CBFB: variants seen among roughly 807,000 people sequenced by gnomAD.
CBFB encodes the protein CBF-beta.
CBFB carries 9 observed loss-of-function variants against 30.4 expected under a neutral mutation model. The ratio of observed to expected loss-of-function variants is 0.30; its 90% CI spans 0.18 to 0.52. The LOEUF (loss-of-function observed/expected upper bound fraction) is 0.52. Ranked by LOEUF, CBFB falls within the 20% of genes least tolerant of loss-of-function variation. The pLI is 0.97. For synonymous variants in CBFB, 94 were observed against 84.0 expected (o/e 1.12, Z -0.65); for missense variants, 170 against 244.0 (o/e 0.70, Z 2.02).
Position 67,029,321 on chromosome 16 carries a change from G to T in CBFB, c.-87G>T. 4 of 910,452 alleles carry T rather than the reference G, an allele frequency of 4.4e-6. No individual in the cohort carries two copies. In the South Asian group the frequency reaches 1.4e-4, roughly 33 times the overall value. 56.4% of individuals were successfully genotyped at this position (910,452 alleles called of 1,614,324 possible). On this transcript the variant is annotated 5_prime_UTR_variant, in exon 1 of 6. Transcript: ENST00000412916. ...GCGGGCGTCCGGGCGCCGCGGGTGG[G>T]CGGTCAGTCGGTCAGCGCGGAGCCA... is the stretch of plus-strand genomic sequence containing the variant.
At position 67,099,324 on chromosome 16, in the gene CBFB, T is replaced by G. The variant is rs1962150466; in HGVS notation, c.*546T>G. On this transcript the variant is annotated 3_prime_UTR_variant, in exon 6 of 6. Coordinates refer to ENST00000412916, the MANE Select transcript of CBFB (RefSeq NM_022845.3). ...TTTGCATTATTTACAGGCTAAAAAC[T>G]TAGTAGCATAGAGCTGTCTGCCACA... 1 of 228,364 alleles carries G rather than the reference T, an allele frequency of 4.4e-6. No homozygotes were observed. Among genetic ancestry groups the G allele is most frequent in the African/African-American group, 2.2e-5 (1 of 45,086 alleles). 14.1% of individuals were successfully genotyped at this position (228,364 alleles called of 1,614,324 possible). A position where few individuals can be genotyped will look rare whatever the true frequency, so the allele number is the denominator to read the frequency against.
chr16:67,079,020 C>T (rs770475880), intron 4 of CBFB, among the ~76,000 whole-genome samples: 8 of 152,214 alleles, frequency 5.3e-5, no homozygotes, highest in Non-Finnish European at 8.8e-5. Flanking sequence ...CATAGAAAGC[C>T]GTGGGAAATT....
chr16:67,087,652 T>C (rs1396642617), intron 5 of CBFB, among the ~76,000 whole-genome samples: 1 of 152,242 alleles, frequency 6.6e-6, no homozygotes, highest in Non-Finnish European at 1.5e-5. Flanking sequence ...TATGTATATA[T>C]GAACAGAAAT....
At chr16:67,077,832 C>CGAAT (rs1284232002) in intron 4 of CBFB, among the ~76,000 whole-genome samples, 13 of 152,122 alleles carry the variant, frequency 8.5e-5, no homozygotes, top group African/African-American at 2.9e-4. Context: ...CAAGAGTGGT[C>CGAAT]GAATATTCTG....
At chr16:67,056,590 T>C (rs192907820) in intron 3 of CBFB, among the ~76,000 whole-genome samples, 32 of 152,304 alleles carry the variant, frequency 2.1e-4, no homozygotes, top group Non-Finnish European at 3.8e-4. Context: ...AACAGCATAA[T>C]GTAAACATCC....
At chr16:67,074,645 T>C (rs895944129) in intron 4 of CBFB, among the ~76,000 whole-genome samples, 1 of 152,072 alleles carries the variant, frequency 6.6e-6, no homozygotes, top group Non-Finnish European at 1.5e-5. Flanking sequence ...CCTCCCAAAG[T>C]GCTGGGATTA....
intron 3 of CBFB, among the ~76,000 whole-genome samples, chr16:67,063,146 C>T (rs1221295857): frequency 6.6e-6 from 1 of 152,090 alleles, no homozygotes; most frequent in Non-Finnish European, 1.5e-5. Context: ...CAGAGGTCGG[C>T]ATAGTCACTT....
intron 3 of CBFB, among the ~76,000 whole-genome samples, chr16:67,043,369 T>A (rs936882448): frequency 2.0e-5 from 3 of 152,246 alleles, no homozygotes; most frequent in Admixed American, 1.3e-4. Context: ...AAATTAGTCC[T>A]TTTATTCATT....
chr16:67,033,713 G>A (rs1399946254), intron 2 of CBFB, among the ~76,000 whole-genome samples: 3 of 146,080 alleles, frequency 2.1e-5, no homozygotes, highest in African/African-American at 7.7e-5. Context: ...CTGGGTTCAC[G>A]CCATTCTCCC....
intron 3 of CBFB, among the ~76,000 whole-genome samples, chr16:67,042,342 GAAA>G (rs907212737): frequency 6.6e-6 from 1 of 151,878 alleles, no homozygotes; most frequent in Non-Finnish European, 1.5e-5. Flanking sequence ...TTTTTGAAGA[GAAA>G]AAAATTTTGC....
intron 5 of CBFB, among the ~76,000 whole-genome samples, chr16:67,096,775 C>T (rs1414026075): frequency 6.6e-6 from 1 of 150,514 alleles, no homozygotes; most frequent in Admixed American, 6.6e-5. Flanking sequence ...GAGATTGAGA[C>T]CATCCTGGCT....
intron 3 of CBFB, among the ~76,000 whole-genome samples, chr16:67,050,957 AAG>A (rs1966728716): frequency 6.6e-6 from 1 of 152,188 alleles, no homozygotes; most frequent in Non-Finnish European, 1.5e-5. Context: ...GTGCTGGACA[AAG>A]AGATGATTCA....
Position 67,029,824 on chromosome 16 carries a change from T to C in CBFB, c.165+11T>C, listed in dbSNP as rs1302673861. 1 of 1,576,438 alleles carries C rather than the reference T, an allele frequency of 6.3e-7. No homozygotes were observed. Among genetic ancestry groups the C allele is most frequent in the Non-Finnish European group, 8.6e-7 (1 of 1,163,058 alleles). ...GGCCGCTCGGAAATCGTAAGTCGGC[T>C]GGCCCGGGGCGCGCGCGGGTCACTT... On this transcript the variant is annotated intron_variant, in intron 2 of 5. Coordinates refer to ENST00000412916, the MANE Select transcript of CBFB (RefSeq NM_022845.3).
At chr16:67,031,261 A>C (rs914264319) in intron 2 of CBFB, among the ~76,000 whole-genome samples, 1 of 152,230 alleles carries the variant, frequency 6.6e-6, no homozygotes, top group African/African-American at 2.4e-5. Context: ...AGAGAGTCTC[A>C]AGCTTTTAGC....
At chr16:67,036,831 T>C in intron 3 of CBFB, 76 bp downstream of exon 3, 1 of 851,528 alleles carries the variant, frequency 1.2e-6, no homozygotes, top group South Asian at 1.3e-5. Context: ...TACATTTTAA[T>C]AAAGATCACA....
At chr16:67,093,328 T>G (rs1202866593) in intron 5 of CBFB, 1 of 151,984 alleles carries the variant, frequency 6.6e-6, no homozygotes, top group African/African-American at 2.4e-5. Flanking sequence ...ATAGTTGTTT[T>G]TAATTGTTAG....
chr16:67,044,074 T>TA (rs1318865511), intron 3 of CBFB, among the ~76,000 whole-genome samples: 23 of 152,374 alleles, frequency 1.5e-4, no homozygotes, highest in Admixed American at 6.5e-4. Context: ...TCTTAGGACT[T>TA]ATTTCCAATT....
At chr16:67,050,165 A>G (rs1218937064) in intron 3 of CBFB, among the ~76,000 whole-genome samples, 2 of 148,196 alleles carry the variant, frequency 1.3e-5, no homozygotes, top group African/African-American at 4.9e-5. Flanking sequence ...TCATAAATAT[A>G]TCATATATAA....
intron 5 of CBFB, 61 bp downstream of exon 5, chr16:67,082,369 G>C: frequency 6.3e-7 from 1 of 1,590,298 alleles, no homozygotes; most frequent in Non-Finnish European, 8.6e-7. Context: ...CTCTCAGGCT[G>C]TGTTTGTGAT....
Sources: gnomAD v4.1 joint callset for allele counts (sites outside exome capture counted in the v4.1 genomes callset) on GRCh38, gnomAD v4.1.1 for gene constraint, MANE v1.5 for transcripts, NCBI Gene and HGNC (gene_info 2026-07-23, HGNC 2026-07-21) for gene names.